Variants in ASS1 observed in about 807,000 individuals in gnomAD.
ASS1 encodes argininosuccinate synthase.
Under a neutral mutation model 60.5 loss-of-function variants are expected in ASS1, and 58 were observed. The observed-to-expected ratio is 0.96, with a 90% confidence interval of 0.78 to 1.19. The LOEUF is 1.19. Ranked by LOEUF, ASS1 falls within the 50% of genes most tolerant of loss-of-function variation. The pLI is 0.00. For synonymous variants in ASS1, 200 were observed against 206.9 expected (o/e 0.97, Z 0.29); for missense variants, 454 against 547.3 (o/e 0.83, Z 1.70).
chr9:130,487,769 T>C (rs1000631251), intron 11 of ASS1, among the ~76,000 whole-genome samples: 2 of 148,790 alleles, frequency 1.3e-5, no homozygotes, highest in Non-Finnish European at 3.0e-5. Context: ...TTTTTTTTTT[T>C]AGACAGAGTC....
chr9:130,466,700 C>G (rs1845751396), intron 5 of ASS1, 25 bp from the exon 6 acceptor site: 1 of 1,611,432 alleles, frequency 6.2e-7, no homozygotes, highest in African/African-American at 1.3e-5. Context: ...GCCCTCCCGG[C>G]TCTGACCCCT....
At chr9:130,465,253 TCGTGATCTGCCCGC>T (rs1845707513) in intron 5 of ASS1, among the ~76,000 whole-genome samples, 1 of 151,744 alleles carries the variant, frequency 6.6e-6, no homozygotes, top group Non-Finnish European at 1.5e-5. Flanking sequence ...ACTCCTGACC[TCGTGATCTGCCCGC>T]CTTGGGCTCC....
intron 4 of ASS1, among the ~76,000 whole-genome samples, chr9:130,462,645 C>G (rs979833033): frequency 1.9e-4 from 29 of 152,172 alleles, no homozygotes; most frequent in Admixed American, 1.8e-3. Context: ...GGGAAAATAG[C>G]TGGGCCATGC....
intron 7 of ASS1, 151 bp from the exon 8 acceptor site, chr9:130,471,334 C>A (rs1845861045): frequency 8.3e-6 from 8 of 962,322 alleles, no homozygotes; most frequent in Non-Finnish European, 1.3e-5. Context: ...TATGGTGGGC[C>A]CAGAATGTTT....
chr9:130,445,136 G>C (rs866532987), intron 1 of ASS1, 141 bp downstream of exon 1: 2 of 985,338 alleles, frequency 2.0e-6, no homozygotes, highest in Non-Finnish European at 2.4e-6. Flanking sequence ...ACTCGCCGGG[G>C]ACTGGGACCG....
intron 8 of ASS1, 107 bp downstream of exon 8, chr9:130,471,622 G>C: frequency 2.1e-6 from 3 of 1,400,496 alleles, no homozygotes; most frequent in Non-Finnish European, 1.0e-6. Context: ...TTTCACGGGG[G>C]CCAGCCGTGG....
chr9:130,461,305 G>C (rs1457769602), intron 4 of ASS1, among the ~76,000 whole-genome samples: 1 of 152,186 alleles, frequency 6.6e-6, no homozygotes, highest in East Asian at 1.9e-4. Flanking sequence ...GCCTGCAACA[G>C]CCTCCCGCAG....
chr9:130,447,897 G>A (rs1384837471), intron 1 of ASS1, among the ~76,000 whole-genome samples: 1 of 152,032 alleles, frequency 6.6e-6, no homozygotes, highest in Non-Finnish European at 1.5e-5. Context: ...CCAGCTCTGG[G>A]CTCCTTCCCC....
intron 1 of ASS1, among the ~76,000 whole-genome samples, chr9:130,447,362 C>T (rs1845218954): frequency 6.6e-6 from 1 of 152,262 alleles, no homozygotes; most frequent in Non-Finnish European, 1.5e-5. Flanking sequence ...TGAGAGGATG[C>T]ACCTGTGACT....
chr9:130,498,501 G>A (rs75060914), intron 13 of ASS1, among the ~76,000 whole-genome samples: 2,178 of 152,298 alleles, frequency 0.014, 54 homozygotes, highest in African/African-American at 0.05. Flanking sequence ...CACCACTCTT[G>A]CTCTTCCTTC....
chr9:130,479,166 C>T (rs901439767), intron 9 of ASS1, among the ~76,000 whole-genome samples: 6 of 152,064 alleles, frequency 3.9e-5, no homozygotes, highest in Non-Finnish European at 8.8e-5. Flanking sequence ...GGGACGCTGC[C>T]GACACCTCGC....
At chr9:130,457,512 A>G (rs1252832090) in intron 3 of ASS1, among the ~76,000 whole-genome samples, 1 of 152,136 alleles carries the variant, frequency 6.6e-6, no homozygotes, top group Non-Finnish European at 1.5e-5. Flanking sequence ...TCTCCCTGAA[A>G]AGTCATTGGG....
chr9:130,478,045 A>G lies in ASS1; in HGVS notation c.688+1084A>G, dbSNP rs1846068156. ...TGGGCCTTGGGTGCACTCATCAAAA[A>G]ACGGACCACAGGCATGATGCTCACA... On this transcript the variant is annotated intron_variant, in intron 9 of 14. Transcript: ENST00000352480. The surrounding 1 kb of genome is among the most constrained non-coding windows in gnomAD (Gnocchi z 4.7). 6.6e-6 allele frequency among the ~76,000 whole-genome samples: 1 copy of G among 152,114 alleles called. No individual in the cohort carries two copies. The highest frequency in any genetic ancestry group is 1.5e-5 in the Non-Finnish European group (1 of 68,032).
Position 130,470,763 on chromosome 9 carries a change from G to A in ASS1, c.496-71G>A, listed in dbSNP as rs1845847595. 4 of 1,456,436 alleles carry A rather than the reference G, an allele frequency of 2.7e-6. No homozygotes were observed. Among genetic ancestry groups the A allele is most frequent in the Non-Finnish European group, 2.9e-6 (3 of 1,037,922 alleles). 90.2% of individuals were successfully genotyped at this position (1,456,436 alleles called of 1,614,324 possible). A position where few individuals can be genotyped will look rare whatever the true frequency, so the allele number is the denominator to read the frequency against. On this transcript the variant is annotated intron_variant, in intron 6 of 14. Coordinates refer to ENST00000352480, the MANE Select transcript of ASS1 (RefSeq NM_054012.4). The surrounding 1 kb of genome is among the most constrained non-coding windows in gnomAD (Gnocchi z 4.3). The stretch of plus-strand genomic sequence containing the variant: ...GAGTTTGGGGCTCTCTGAAAAAGCA[G>A]GGCCCCTGGGACGGACCTCACGCGT...
In ASS1 at chr9:130,489,442, AT is replaced by A. The variant is rs775791516; in HGVS notation, c.951del (p.Phe317LeufsTer59). 6.2e-7 allele frequency: 1 copy of A among 1,614,006 alleles called. No homozygotes were observed. Among genetic ancestry groups the A allele is most frequent in the East Asian group, 2.2e-5 (1 of 44,856 alleles). On this transcript the variant is annotated frameshift_variant, in exon 12 of 15. Transcript: ENST00000352480. LOFTEE classifies it high-confidence loss of function. The surrounding 1 kb of genome is among the most constrained non-coding windows in gnomAD (Gnocchi z 4.1). The stretch of plus-strand genomic sequence containing the variant: ...AAATCAAACAAGGCCTGGGCTTGAA[AT>A]TTGCTGAGCTGGTGTATACCGGTGC... ...RKIKQGLGLK[F>X]AELVYTGFWH... is the part of the protein sequence containing the mutation.
rs376697303 is a variant in ASS1 at position 130,501,060 on chromosome 9, C to T, written c.*39C>T. The T allele has an allele frequency of 7.6e-6, 12 of 1,577,874 alleles. No individual in the cohort carries two copies. Among genetic ancestry groups the T allele is most frequent in the Middle Eastern group, 1.8e-4 (1 of 5,620 alleles). On this transcript the variant is annotated 3_prime_UTR_variant, in exon 15 of 15. Transcript: ENST00000352480. ...GAGGAGCTGGGGCCTCCTCAATTTGCAGATCCCCCAAGTACAGGCGCTAAT... is the reference window on the plus strand; with the variant it reads ...GAGGAGCTGGGGCCTCCTCAATTTGTAGATCCCCCAAGTACAGGCGCTAAT...
At chr9:130,446,568 G>A (rs1383346490) in intron 1 of ASS1, among the ~76,000 whole-genome samples, 2 of 152,234 alleles carry the variant, frequency 1.3e-5, no homozygotes, top group African/African-American at 4.8e-5. Flanking sequence ...GCCGGTGCGG[G>A]GGCAGACACG....
rs184410370 is a variant in ASS1 at position 130,471,721 on chromosome 9, C to T, written c.597+206C>T. ...TCCTCGCTGCATTTGAAGACCTCCC[C>T]CCGCCCTTCCTCTTCTAATTGCCTC... On this transcript the variant is annotated intron_variant, in intron 8 of 14. Coordinates refer to ENST00000352480, the MANE Select transcript of ASS1 (RefSeq NM_054012.4). Among the ~76,000 whole-genome samples the T allele has an allele frequency of 6.7e-3, 1,026 of 152,322 alleles. 4 individuals carry two copies. The highest frequency in any genetic ancestry group is 9.9e-3 in the Non-Finnish European group (675 of 68,030).
At chr9:130,500,887 G>A (rs1846737991) in intron 14 of ASS1, 89 bp from the exon 15 acceptor site, 1 of 1,438,120 alleles carries the variant, frequency 7.0e-7, no homozygotes, top group South Asian at 1.2e-5. Flanking sequence ...AGCTGCCCCA[G>A]CCACCCCAGC....
Sources: allele counts gnomAD v4.1 joint callset (sites outside exome capture counted in the v4.1 genomes callset), GRCh38; gene constraint gnomAD v4.1.1; non-coding constraint Gnocchi (gnomAD v3.1); transcripts MANE v1.5; gene names NCBI Gene and HGNC (gene_info 2026-07-23, HGNC 2026-07-21).